Variants in ADGRL2 observed in about 807,000 individuals in gnomAD.
ADGRL2 encodes adhesion G protein-coupled receptor L2.
Under a neutral mutation model 157.4 loss-of-function variants are expected in ADGRL2, and 44 were observed. The ratio of observed to expected loss-of-function variants is 0.28; its 90% CI spans 0.22 to 0.36. The LOEUF is 0.36. Ranked by LOEUF, ADGRL2 falls within the 10% of genes least tolerant of loss-of-function variation. The pLI, the probability that ADGRL2 is intolerant of heterozygous loss-of-function variation, is 1.00. For missense variants in ADGRL2, 1,510 were observed against 1,768.9 expected, an observed-to-expected ratio of 0.85 and a Z score of 2.63; for synonymous variants, 585 against 624.7, an observed-to-expected ratio of 0.94 and a Z score of 0.95.
At chr1:81,335,723 G>A (rs531970990) in intron 1 of ADGRL2, among the ~76,000 whole-genome samples, 1 of 151,698 alleles carries the variant, frequency 6.6e-6, no homozygotes, top group East Asian at 1.9e-4. Flanking sequence ...TTCACCATCT[G>A]TCAGTTTTCA....
chr1:81,966,252 T>C, intron 12 of ADGRL2, 69 bp downstream of exon 12: 1 of 1,596,350 alleles, frequency 6.3e-7, no homozygotes, highest in Non-Finnish European at 8.6e-7. Context: ...TTCTAAAATG[T>C]ATTTGAGTCC....
chr1:81,982,375 C>A (rs950476851), intron 19 of ADGRL2, among the ~76,000 whole-genome samples: 2 of 151,890 alleles, frequency 1.3e-5, no homozygotes, highest in African/African-American at 4.8e-5. Flanking sequence ...AAGCACCAGA[C>A]ATACAAAAAA....
intron 1 of ADGRL2, among the ~76,000 whole-genome samples, chr1:81,732,163 C>A (rs1198753171): frequency 6.6e-6 from 1 of 152,136 alleles, no homozygotes; most frequent in Non-Finnish European, 1.5e-5. Flanking sequence ...TCAGAGTAGA[C>A]ACAGAAGAAA....
In ADGRL2 at chr1:81,848,385, A is replaced by G. The variant is rs561588697; in HGVS notation, c.73+11328A>G. Among the ~76,000 whole-genome samples, 5 of 151,888 alleles carry G rather than the reference A, an allele frequency of 3.3e-5. No individual in the cohort carries two copies. The East Asian group carries it at 7.7e-4, about 23-fold the overall frequency. On this transcript the variant is annotated intron_variant, in intron 2 of 23. Transcript: ENST00000686636. ...GGATATTAGTAGTGTAGAATTTTTC[A>G]TTTTACAGATGAAGAAACTAAGGCC...
intron 3 of ADGRL2, among the ~76,000 whole-genome samples, chr1:81,662,938 T>TTCAGAAA (rs1241845035): frequency 2.0e-5 from 3 of 152,042 alleles, no homozygotes; most frequent in Admixed American, 2.0e-4. Context: ...CAAGTAATGG[T>TTCAGAAA]GGTGTTGAGG....
At chr1:81,793,760 G>C (rs1300287171) in intron 2 of ADGRL2, among the ~76,000 whole-genome samples, 1 of 151,946 alleles carries the variant, frequency 6.6e-6, no homozygotes, top group African/African-American at 2.4e-5. Flanking sequence ...AAAATATTTT[G>C]ATTTATACAT....
intron 2 of ADGRL2, among the ~76,000 whole-genome samples, chr1:81,889,355 CT>C (rs2094206186): frequency 6.6e-6 from 1 of 152,166 alleles, no homozygotes; most frequent in African/African-American, 2.4e-5. Flanking sequence ...AGTGAAACAG[CT>C]TTTGTTGCTT....
intron 3 of ADGRL2, among the ~76,000 whole-genome samples, chr1:81,590,648 C>T (rs1351032922): frequency 6.6e-6 from 1 of 152,148 alleles, no homozygotes; most frequent in African/African-American, 2.4e-5. Context: ...AGCATGTCCT[C>T]CAAGCTCTCC....
At chr1:81,473,454 G>A (rs1000649101) in intron 2 of ADGRL2, among the ~76,000 whole-genome samples, 20 of 152,256 alleles carry the variant, frequency 1.3e-4, no homozygotes, top group African/African-American at 4.6e-4. Flanking sequence ...AATACTTGTT[G>A]CATGTTGAAA....
At chr1:81,523,142 G>A (rs2079364667) in intron 2 of ADGRL2, among the ~76,000 whole-genome samples, 1 of 152,108 alleles carries the variant, frequency 6.6e-6, no homozygotes, top group South Asian at 2.1e-4. Context: ...CATAGATAGA[G>A]ACCCATACAA....
chr1:81,659,442 T>C (rs1208890866), intron 3 of ADGRL2, among the ~76,000 whole-genome samples: 2 of 152,172 alleles, frequency 1.3e-5, no homozygotes, highest in Non-Finnish European at 2.9e-5. Context: ...AATGAAAGGA[T>C]AAACGTAGAG....
rs1007909056 is a variant in ADGRL2 at position 81,869,588 on chromosome 1, T to C, written c.73+32531T>C. The stretch of plus-strand genomic sequence containing the variant: ...ATAGGAAAGTACTAATATATGTGTA[T>C]AGTTTGAATACTTTAGTCTCTTCAC... On this transcript the variant is annotated intron_variant, in intron 2 of 23. Transcript: ENST00000686636. Among the ~76,000 whole-genome samples the C allele has an allele frequency of 2.0e-5, 3 of 152,222 alleles. No individual in the cohort carries two copies. The East Asian group carries it at 5.8e-4, about 29-fold the overall frequency.
At position 81,460,609 on chromosome 1, in the gene ADGRL2, G is replaced by A. The variant is rs72940974; in HGVS notation, c.-248+15520G>A. Reference sequence around the variant, plus strand: ...TCAGACATAAAGTATCAGAATCTCGGGCAGCATGGCTTGCAGAATTTGTGT... The same window carrying A: ...TCAGACATAAAGTATCAGAATCTCGAGCAGCATGGCTTGCAGAATTTGTGT... On this transcript the variant is annotated intron_variant, in intron 2 of 24. Coordinates refer to the ADGRL2 transcript ENST00000370721. 4.1e-3 allele frequency among the ~76,000 whole-genome samples: 622 copies of A among 152,178 alleles called. 4 individuals carry two copies. The highest frequency in any genetic ancestry group is 0.014 in the African/African-American group (583 of 41,524).
chr1:81,952,998 A>G lies in ADGRL2; in HGVS notation c.1806A>G (p.Arg602=), dbSNP rs781472285. ...AGRSYNKLQK[R]EKTCRAYLKA... is the part of the protein sequence containing the mutation. ...CTTTTACTTAAAAGCTCCAAAAACG[A>G]GAGAAGACATGCAGGGCTTACCTTA... Residue 602 remains arginine (R), a synonymous_variant, in exon 10 of 24, where the codon CGA becomes CGG. Coordinates refer to ENST00000686636, the MANE Select transcript of ADGRL2 (RefSeq NM_001366006.2). 9.3e-6 allele frequency: 15 copies of G among 1,611,798 alleles called. No homozygotes were observed. The highest frequency in any genetic ancestry group is 3.3e-5 in the Admixed American group (2 of 59,976).
chr1:81,849,246 T>G (rs1417595640), intron 2 of ADGRL2, among the ~76,000 whole-genome samples: 1 of 152,042 alleles, frequency 6.6e-6, no homozygotes, highest in South Asian at 2.1e-4. Context: ...TGAGTCCATT[T>G]GAAAGGCTGG....
intron 2 of ADGRL2, among the ~76,000 whole-genome samples, chr1:81,873,435 A>G (rs1376154059): frequency 6.6e-6 from 1 of 152,090 alleles, no homozygotes; most frequent in African/African-American, 2.4e-5. Context: ...ATGTGCTTTG[A>G]CAGTAAAGAG....
intron 1 of ADGRL2, among the ~76,000 whole-genome samples, chr1:81,728,824 A>G (rs2084626301): frequency 6.6e-6 from 1 of 151,964 alleles, no homozygotes; most frequent in Non-Finnish European, 1.5e-5. Flanking sequence ...TCCCTTTCCT[A>G]TTCAAGCACT....
intron 1 of ADGRL2, among the ~76,000 whole-genome samples, chr1:81,747,308 T>TATA (rs200008464): frequency 6.0e-4 from 70 of 116,622 alleles, no homozygotes; most frequent in Middle Eastern, 4.4e-3. Context: ...TATATATATA[T>TATA]TTTTTTTTTT....
chr1:81,900,521 G>A (rs1249100946), intron 2 of ADGRL2, among the ~76,000 whole-genome samples: 1 of 111,890 alleles, frequency 8.9e-6, no homozygotes, highest in African/African-American at 3.5e-5. Flanking sequence ...GTCAATGAAA[G>A]TAAACACTGT....
Sources: allele counts gnomAD v4.1 joint callset (sites outside exome capture counted in the v4.1 genomes callset), GRCh38; gene constraint gnomAD v4.1.1; transcripts MANE v1.5; gene names NCBI Gene and HGNC (gene_info 2026-07-23, HGNC 2026-07-21).